ERC1: variants seen among roughly 807,000 people sequenced by gnomAD.
The protein encoded by ERC1 is RAB6 interacting protein 2.
Under a neutral mutation model 132.0 loss-of-function variants are expected in ERC1, and 56 were observed. The observed-to-expected ratio is 0.42, with a 90% CI of 0.34 to 0.53. The LOEUF is 0.53. ERC1 is among the 20% of genes least tolerant of loss of function. The pLI, the probability that ERC1 is intolerant of heterozygous loss-of-function variation, is 0.03. For missense variants in ERC1, 1,202 were observed against 1,349.9 expected, an observed-to-expected ratio of 0.89 and a Z score of 1.72; for synonymous variants, 478 against 476.1, an observed-to-expected ratio of 1.00 and a Z score of -0.05.
chr12:1,375,733 C>CTTT lies in ERC1; in HGVS notation c.2925+3776_2925+3778dup, dbSNP rs35535185. 1.6e-3 allele frequency among the ~76,000 whole-genome samples: 175 copies of CTTT among 107,090 alleles called. 1 individual carries two copies. The highest frequency in any genetic ancestry group is 6.9e-3 in the African/African-American group (164 of 23,604). 70.3% of individuals were successfully genotyped at this position (107,090 alleles called of 152,430 possible). On this transcript the variant is annotated intron_variant, in intron 16 of 18. Coordinates refer to ENST00000360905, the MANE Select transcript of ERC1 (RefSeq NM_178040.4). ...GTCTCAGTAAGCATGGCTCTTGTTC[C>CTTT]TTTTTTTTTTTTTTTTTTTTTTGAG...
chr12:1,115,717 G>T, intron 6 of ERC1, 149 bp from the exon 7 acceptor site: 1 of 639,694 alleles, frequency 1.6e-6, no homozygotes, highest in Non-Finnish European at 2.5e-6. Context: ...GAGATCCAAG[G>T]TTATGTCATG....
At chr12:1,358,365 A>G (rs955541553) in intron 15 of ERC1, among the ~76,000 whole-genome samples, 7 of 152,130 alleles carry the variant, frequency 4.6e-5, no homozygotes, top group African/African-American at 1.7e-4. Context: ...TTAAGAGTCA[A>G]AAGTTACTTT....
intron 3 of ERC1, among the ~76,000 whole-genome samples, chr12:1,084,748 G>A (rs925574502): frequency 6.6e-6 from 1 of 151,760 alleles, no homozygotes; most frequent in Non-Finnish European, 1.5e-5. Context: ...CTGGAGTGCA[G>A]TGGCATGATC....
At chr12:1,201,147 A>G (rs1407212741) in intron 12 of ERC1, among the ~76,000 whole-genome samples, 1 of 151,950 alleles carries the variant, frequency 6.6e-6, no homozygotes, top group Non-Finnish European at 1.5e-5. Flanking sequence ...AAGTGTAGAT[A>G]ACTTTCCCTT....
intron 15 of ERC1, among the ~76,000 whole-genome samples, chr12:1,353,348 G>A (rs921075170): frequency 6.6e-5 from 10 of 152,068 alleles, no homozygotes; most frequent in African/African-American, 2.4e-4. Context: ...ATGCTTTAAC[G>A]CTAAAGAGAC....
At chr12:1,111,826 C>T (rs185056963) in intron 5 of ERC1, among the ~76,000 whole-genome samples, 131 of 151,942 alleles carry the variant, frequency 8.6e-4, no homozygotes, top group Admixed American at 7.5e-3. Flanking sequence ...AGGCAGGTCT[C>T]GAACTCCTGA....
chr12:1,285,727 A>G (rs2078998462), intron 14 of ERC1, among the ~76,000 whole-genome samples: 1 of 152,222 alleles, frequency 6.6e-6, no homozygotes, highest in Non-Finnish European at 1.5e-5. Context: ...AGGAGCAAAT[A>G]ATTTCAATCT....
chr12:1,153,114 TA>T (rs1219363013), intron 8 of ERC1: 1 of 152,256 alleles, frequency 6.6e-6, no homozygotes, highest in East Asian at 1.9e-4. Flanking sequence ...CAGTTGTCTG[TA>T]AAAGGTCATC....
In ERC1 at chr12:1,054,965, A is replaced by T. The variant is rs2154171201; in HGVS notation, c.669+26393A>T. 2.0e-5 allele frequency among the ~76,000 whole-genome samples: 3 copies of T among 152,324 alleles called. No individual in the cohort carries two copies. The South Asian group carries it at 6.2e-4, about 32-fold the overall frequency. On this transcript the variant is annotated intron_variant, in intron 2 of 18. Transcript: ENST00000360905. ...TAGCTTCAAGAATGGAATTATTCTT[A>T]AGAGTAAAATCACTTAAGCTAGAAG... is the stretch of plus-strand genomic sequence containing the variant.
intron 3 of ERC1, among the ~76,000 whole-genome samples, chr12:1,094,174 A>G (rs1943704827): frequency 6.7e-6 from 1 of 150,024 alleles, no homozygotes; most frequent in African/African-American, 2.4e-5. Context: ...GCCTGCCACC[A>G]TGCCTGGCTA....
chr12:1,127,518 T>TC (rs1469328050), intron 7 of ERC1, among the ~76,000 whole-genome samples: 1 of 152,230 alleles, frequency 6.6e-6, no homozygotes, highest in East Asian at 1.9e-4. Context: ...TTTTTTTTTT[T>TC]TGAGACGGAG....
At chr12:1,069,818 G>A (rs150852355) in intron 2 of ERC1, among the ~76,000 whole-genome samples, 1 of 152,068 alleles carries the variant, frequency 6.6e-6, no homozygotes, top group African/African-American at 2.4e-5. Flanking sequence ...ATACTATTTG[G>A]GTTAATTACA....
At chr12:1,287,944 T>C (rs530515935) in intron 14 of ERC1, among the ~76,000 whole-genome samples, 2 of 152,228 alleles carry the variant, frequency 1.3e-5, no homozygotes, top group Non-Finnish European at 2.9e-5. Flanking sequence ...CATGGTTGGC[T>C]CTGAGTTTTT....
chr12:1,253,879 T>TC (rs1403574124), intron 13 of ERC1, among the ~76,000 whole-genome samples: 1 of 152,188 alleles, frequency 6.6e-6, no homozygotes, highest in Non-Finnish European at 1.5e-5. Context: ...TGCCCTAGTC[T>TC]CTTTGAATAT....
intron 15 of ERC1, among the ~76,000 whole-genome samples, chr12:1,350,248 G>C (rs940148720): frequency 6.6e-6 from 1 of 152,206 alleles, no homozygotes; most frequent in African/African-American, 2.4e-5. Context: ...AGTGTTAAAA[G>C]AACAGGCCTG....
At chr12:1,099,835 ATTTTTTTTT>A (rs779732035) in intron 3 of ERC1, among the ~76,000 whole-genome samples, 6 of 54,364 alleles carry the variant, frequency 1.1e-4, no homozygotes, top group African/African-American at 3.0e-4. Context: ...TGAGACTTTG[ATTTTTTTTT>A]TTTTTTTTTT....
chr12:1,351,145 A>G (rs375935186), intron 15 of ERC1, among the ~76,000 whole-genome samples: 1 of 152,176 alleles, frequency 6.6e-6, no homozygotes, highest in African/African-American at 2.4e-5. Context: ...TATCCACACC[A>G]TAGTGATATC....
intron 2 of ERC1, among the ~76,000 whole-genome samples, chr12:1,052,084 G>GT (rs1320247080): frequency 6.6e-6 from 1 of 152,166 alleles, no homozygotes. Context: ...GTCCCCAAAC[G>GT]TAAGTGTGCA....
At chr12:1,053,440 A>G (rs1404529880) in intron 2 of ERC1, among the ~76,000 whole-genome samples, 1 of 152,168 alleles carries the variant, frequency 6.6e-6, no homozygotes, top group Non-Finnish European at 1.5e-5. Context: ...TGAAGAGTGT[A>G]TGTATTTTTT....
Sources: allele counts gnomAD v4.1 joint callset (sites outside exome capture counted in the v4.1 genomes callset), GRCh38; gene constraint gnomAD v4.1.1; transcripts MANE v1.5; gene names NCBI Gene and HGNC (gene_info 2026-07-23, HGNC 2026-07-21).